CASD1: variants seen among roughly 807,000 people sequenced by gnomAD.
CASD1 encodes the protein CAS1 domain sialic acid O acetyltransferase 1, also known as N-acetylneuraminate (7)9-O-acetyltransferase.
In CASD1, 41 loss-of-function variants were observed where a neutral mutation model predicts 100.0. The ratio of observed to expected loss-of-function variants is 0.41; its 90% CI spans 0.32 to 0.53. The LOEUF (loss-of-function observed/expected upper bound fraction) is 0.53, where lower values mean the gene tolerates loss of function less well. Ranked by LOEUF, CASD1 falls within the 20% of genes least tolerant of loss-of-function variation. CASD1 has a pLI of 0.25. For missense variants in CASD1, 774 were observed against 948.7 expected (o/e 0.82, Z 2.42); for synonymous variants, 321 against 315.6 (o/e 1.02, Z -0.18).
the CASD1 span, chr7:94,617,619 T>C: frequency 3.3e-5 from 5 of 152,066 alleles, no homozygotes; most frequent in Admixed American, 3.3e-4. Context: ...TGTTTTCATA[T>C]AGAAAGCCAA....
the CASD1 span, chr7:94,619,032 G>A: frequency 1.1e-5 from 11 of 1,040,258 alleles, no homozygotes; most frequent in African/African-American, 6.3e-5. Context: ...AACAATTTGC[G>A]ATTTGTTGAG....
chr7:94,617,798 C>G, the CASD1 span: 1 of 140,400 alleles, frequency 7.1e-6, no homozygotes, highest in Admixed American at 7.2e-5. Context: ...TTTTACCTAC[C>G]CACAGACTGC....
chr7:94,552,567 G>A lies in CASD1; in HGVS notation c.2034+140G>A, dbSNP rs538640777. On this transcript the variant is annotated intron_variant, in intron 16 of 17. Coordinates refer to ENST00000297273, the MANE Select transcript of CASD1 (RefSeq NM_022900.5). ...TTTCTAAGCCCTTCCTTTCTCTGTA[G>A]TAATAGGGATATTAAAATCTCTTTC... is the stretch of plus-strand genomic sequence containing the variant. 71 of 606,108 alleles carry A rather than the reference G, an allele frequency of 1.2e-4. No individual in the cohort carries two copies. In the Middle Eastern group the frequency reaches 2.2e-3, roughly 19 times the overall value. The allele number at this position is 606,108 out of a possible 1,614,324, so 37.5% of individuals were successfully genotyped here. A position where few individuals can be genotyped will look rare whatever the true frequency, so the allele number is the denominator to read the frequency against.
Position 94,510,130 on chromosome 7 carries a change from T to C in CASD1, c.46T>C (p.Tyr16His). 1 of 1,529,572 alleles carries C rather than the reference T, an allele frequency of 6.5e-7. No homozygotes were observed. Among genetic ancestry groups the C allele is most frequent in the Non-Finnish European group, 8.8e-7 (1 of 1,137,018 alleles). 94.8% of individuals were successfully genotyped at this position (1,529,572 alleles called of 1,614,324 possible). A position where few individuals can be genotyped will look rare whatever the true frequency, so the allele number is the denominator to read the frequency against. ...CCTGGGCAAGCGGGAGATCAACCAC[T>C]ACTTCAGCGTGAGGAGCGCCAAGGT... is the stretch of plus-strand genomic sequence containing the variant. ...YNLGKREINH[Y>H]FSVRSAKVLA... Residue 16 changes from tyrosine to histidine, a missense_variant, in exon 1 of 18, where the codon TAC (tyrosine) becomes CAC (histidine). Physicochemically the swap from Tyr to His is moderately conservative, Grantham distance 83. Coordinates refer to ENST00000297273, the MANE Select transcript of CASD1 (RefSeq NM_022900.5).
At chr7:94,610,233 T>C in the CASD1 span, among the ~76,000 whole-genome samples, 17 of 152,128 alleles carry the variant, frequency 1.1e-4, no homozygotes. Flanking sequence ...GGGACATAGA[T>C]GACTTTTAAA....
intron 3 of CASD1, among the ~76,000 whole-genome samples, chr7:94,522,366 G>A (rs773841803): frequency 2.6e-5 from 4 of 152,150 alleles, no homozygotes; most frequent in African/African-American, 9.7e-5. Context: ...TTCTAATGAC[G>A]AAGAGTTCAG....
rs1794940861 is a variant in CASD1, at chr7:94,533,268, TCTTA to T, written c.504+24_504+27del. On this transcript the variant is annotated intron_variant, in intron 6 of 17. Coordinates refer to ENST00000297273, the MANE Select transcript of CASD1 (RefSeq NM_022900.5). ...TGCCACAGTAAGTTATCATCTGTAT[TCTTA>T]CTTAATGATTTTGTTTCACGTTTAA... 1.8e-5 allele frequency: 28 copies of T among 1,591,214 alleles called. No individual in the cohort carries two copies. Among genetic ancestry groups the T allele is most frequent in the Non-Finnish European group, 2.2e-5 (26 of 1,163,418 alleles).
the CASD1 span, among the ~76,000 whole-genome samples, chr7:94,575,613 C>G: frequency 6.6e-6 from 1 of 152,180 alleles, no homozygotes; most frequent in African/African-American, 2.4e-5. Flanking sequence ...TTTTCTGCGT[C>G]AGTGATCTGT....
chr7:94,535,558 C>A, intron 8 of CASD1, 35 bp downstream of exon 8: 1 of 1,425,676 alleles, frequency 7.0e-7, no homozygotes, highest in Non-Finnish European at 9.9e-7. Flanking sequence ...TAGATGGAGA[C>A]TATAATATCA....
the CASD1 span, chr7:94,628,411 T>G: frequency 1.4e-6 from 2 of 1,468,170 alleles, no homozygotes; most frequent in East Asian, 4.6e-5. Flanking sequence ...TCACACATGT[T>G]GCTTTGGTAG....
intron 15 of CASD1, chr7:94,552,140 G>A (rs1795980497): frequency 2.0e-6 from 1 of 505,170 alleles, no homozygotes; most frequent in Non-Finnish European, 3.4e-6. Context: ...ACAGACTTGT[G>A]CACCTCCCTC....
chr7:94,524,130 C>T (rs917098677), intron 3 of CASD1: 1 of 151,974 alleles, frequency 6.6e-6, no homozygotes, highest in Non-Finnish European at 1.5e-5. Context: ...TCTTCATTAT[C>T]TCAAGGTAGG....
At chr7:94,612,516 T>G in the CASD1 span, among the ~76,000 whole-genome samples, 1 of 152,224 alleles carries the variant, frequency 6.6e-6, no homozygotes, top group Non-Finnish European at 1.5e-5. Context: ...GTATAATTTC[T>G]TTTTAAGTAC....
intron 16 of CASD1, 29 bp from the exon 17 acceptor site, chr7:94,554,454 T>A (rs746676561): frequency 7.3e-7 from 1 of 1,367,836 alleles, no homozygotes; most frequent in Admixed American, 1.8e-5. Context: ...AAGAGATTAT[T>A]AATATTTGCT....
chr7:94,547,032 G>T, intron 12 of CASD1, 64 bp from the exon 13 acceptor site: 1 of 951,110 alleles, frequency 1.1e-6, no homozygotes, highest in South Asian at 1.6e-5. Flanking sequence ...ATCAAATAGA[G>T]AGTATTTAAT....
intron 3 of CASD1, among the ~76,000 whole-genome samples, chr7:94,526,289 A>G (rs1286361697): frequency 2.0e-5 from 3 of 152,186 alleles, no homozygotes; most frequent in South Asian, 2.1e-4. Context: ...AATTTTTACT[A>G]CCTTCTAGAG....
chr7:94,585,861 G>A, the CASD1 span, among the ~76,000 whole-genome samples: 1 of 151,578 alleles, frequency 6.6e-6, no homozygotes, highest in Non-Finnish European at 1.5e-5. Context: ...TATCATGTGG[G>A]CTGGTAGGGC....
the CASD1 span, chr7:94,588,128 G>A: frequency 8.7e-7 from 1 of 1,152,018 alleles, no homozygotes; most frequent in Non-Finnish European, 1.1e-6. Context: ...AATTTTTAGG[G>A]ACACTTGAAA....
At chr7:94,563,997 G>C in the CASD1 span, among the ~76,000 whole-genome samples, 79 of 152,256 alleles carry the variant, frequency 5.2e-4, 1 homozygote, top group African/African-American at 1.8e-3. Context: ...CAGTTTATGA[G>C]CATGATGTCC....
Sources: allele counts gnomAD v4.1 joint callset (sites outside exome capture counted in the v4.1 genomes callset), GRCh38; gene constraint gnomAD v4.1.1; transcripts MANE v1.5; gene names NCBI Gene and HGNC (gene_info 2026-07-23, HGNC 2026-07-21).